WWOX: variants seen among roughly 807,000 people sequenced by gnomAD.
The protein encoded by WWOX is WW domain containing oxidoreductase.
WWOX carries 69 observed loss-of-function variants against 46.2 expected under a neutral mutation model. The ratio of observed to expected loss-of-function variants is 1.49; its 90% CI spans 1.23 to 1.82. The LOEUF (loss-of-function observed/expected upper bound fraction) is 1.82. Among genes scored for constraint, WWOX ranks in the 40% most tolerant of loss-of-function variants. The pLI is 0.00. For missense variants in WWOX, 919 were observed against 542.6 expected (o/e 1.69, Z -6.89); for synonymous variants, 359 against 202.6 (o/e 1.77, Z -6.56).
At chr16:78,443,822 C>T (rs1468911607) in intron 8 of WWOX, among the ~76,000 whole-genome samples, 2 of 152,086 alleles carry the variant, frequency 1.3e-5, no homozygotes, top group African/African-American at 2.4e-5. Context: ...GTGGTGCCTT[C>T]TTTGATCCTC....
At chr16:79,038,300 T>C (rs1038451808) in intron 8 of WWOX, among the ~76,000 whole-genome samples, 1 of 152,192 alleles carries the variant, frequency 6.6e-6, no homozygotes, top group African/African-American at 2.4e-5. Context: ...AAAGGGCGTT[T>C]CAAAGTATAA....
chr16:78,618,407 C>T (rs1383726474), intron 8 of WWOX, among the ~76,000 whole-genome samples: 1 of 152,150 alleles, frequency 6.6e-6, no homozygotes, highest in East Asian at 1.9e-4. Flanking sequence ...GTACCATTGT[C>T]CCTGGCTTGG....
chr16:79,031,277 C>T (rs930337767), intron 8 of WWOX, among the ~76,000 whole-genome samples: 1 of 152,068 alleles, frequency 6.6e-6, no homozygotes, highest in Non-Finnish European at 1.5e-5. Context: ...CTGAGAGGTA[C>T]GTGGTGGGTG....
chr16:78,201,119 C>G (rs2036216601), intron 5 of WWOX, among the ~76,000 whole-genome samples: 1 of 152,088 alleles, frequency 6.6e-6, no homozygotes, highest in African/African-American at 2.4e-5. Context: ...TTGGAAACAC[C>G]TAAATAAAAT....
At chr16:78,221,860 T>C (rs1434122249) in intron 5 of WWOX, among the ~76,000 whole-genome samples, 1 of 152,228 alleles carries the variant, frequency 6.6e-6, no homozygotes, top group Non-Finnish European at 1.5e-5. Context: ...CAAAACCTTA[T>C]TTCCAAAGCA....
intron 8 of WWOX, among the ~76,000 whole-genome samples, chr16:78,561,246 C>T (rs2044427906): frequency 6.6e-6 from 1 of 152,300 alleles, no homozygotes; most frequent in East Asian, 1.9e-4. Context: ...ATGGAGTCCC[C>T]TCCTGCTTTG....
intron 1 of WWOX, among the ~76,000 whole-genome samples, chr16:78,102,201 G>C (rs2031845681): frequency 6.6e-6 from 1 of 152,178 alleles, no homozygotes; most frequent in South Asian, 2.1e-4. Context: ...CTGAGGCACT[G>C]TGCCAAGCCC....
intron 5 of WWOX, among the ~76,000 whole-genome samples, chr16:78,358,866 CTTTT>C (rs57364873): frequency 1.7e-5 from 2 of 120,968 alleles, no homozygotes; most frequent in African/African-American, 6.2e-5. Context: ...ACACTGTGGT[CTTTT>C]TTTTTTTTTT....
intron 8 of WWOX, among the ~76,000 whole-genome samples, chr16:78,777,275 G>A (rs893289180): frequency 2.0e-5 from 3 of 152,016 alleles, no homozygotes; most frequent in Non-Finnish European, 4.4e-5. Flanking sequence ...AGGTGTCAAT[G>A]CCATCCAACA....
At chr16:78,929,594 A>C (rs1281554328) in intron 8 of WWOX, among the ~76,000 whole-genome samples, 1 of 152,156 alleles carries the variant, frequency 6.6e-6, no homozygotes, top group East Asian at 1.9e-4. Context: ...AGCCTGGTGG[A>C]CAAGGAGGGC....
intron 4 of WWOX, among the ~76,000 whole-genome samples, chr16:78,136,266 T>A (rs992033925): frequency 6.6e-6 from 1 of 152,220 alleles, no homozygotes; most frequent in Admixed American, 6.5e-5. Context: ...ATGATATCCC[T>A]ATGCTTTTAA....
chr16:78,826,087 C>T (rs767744833), intron 8 of WWOX: 44 of 345,002 alleles, frequency 1.3e-4, no homozygotes, highest in South Asian at 2.5e-4. Context: ...CAAAGACAAC[C>T]GGGAATGCCT....
intron 8 of WWOX, among the ~76,000 whole-genome samples, chr16:79,176,643 G>C (rs1024909602): frequency 5.3e-5 from 8 of 152,096 alleles, no homozygotes; most frequent in Admixed American, 3.9e-4. Context: ...ATTAAACTTT[G>C]AATCTATGGA....
intron 8 of WWOX, among the ~76,000 whole-genome samples, chr16:78,760,903 T>C (rs1334817297): frequency 6.6e-6 from 1 of 152,158 alleles, no homozygotes; most frequent in East Asian, 1.9e-4. Context: ...GAAAGGCGCA[T>C]CTCACGTGGT....
At chr16:79,119,234 T>C (rs1008275174) in intron 8 of WWOX, among the ~76,000 whole-genome samples, 2 of 150,364 alleles carry the variant, frequency 1.3e-5, no homozygotes, top group African/African-American at 4.9e-5. Flanking sequence ...AAACAAATGG[T>C]GTGTTATTGT....
chr16:79,076,597 A>G (rs1490142458), intron 8 of WWOX, among the ~76,000 whole-genome samples: 2 of 152,206 alleles, frequency 1.3e-5, no homozygotes, highest in East Asian at 1.9e-4. Context: ...AGGCCCCTTC[A>G]TGACCCAGTC....
chr16:79,122,936 G>C (rs2049670075), intron 8 of WWOX, among the ~76,000 whole-genome samples: 1 of 152,188 alleles, frequency 6.6e-6, no homozygotes, highest in South Asian at 2.1e-4. Flanking sequence ...TGGGACCCTT[G>C]CCGGGGCCTC....
intron 8 of WWOX, among the ~76,000 whole-genome samples, chr16:78,781,065 C>A (rs2050312193): frequency 6.6e-6 from 1 of 152,148 alleles, no homozygotes; most frequent in Non-Finnish European, 1.5e-5. Flanking sequence ...AACCTCAAAA[C>A]AGAAGCCTCC....
chr16:78,817,399 G>C (rs929563223), intron 8 of WWOX, among the ~76,000 whole-genome samples: 24 of 151,994 alleles, frequency 1.6e-4, no homozygotes, highest in African/African-American at 5.8e-4. Flanking sequence ...AGAAGCATTT[G>C]CCTCCTTAAA....
Sources: allele counts gnomAD v4.1 joint callset (sites outside exome capture counted in the v4.1 genomes callset), GRCh38; gene constraint gnomAD v4.1.1; transcripts MANE v1.5; gene names NCBI Gene and HGNC (gene_info 2026-07-23, HGNC 2026-07-21).